PDZD2: variants seen among roughly 807,000 people sequenced by gnomAD.
PDZD2 encodes the protein PDZ domain-containing protein 2.
Under a neutral mutation model 220.7 loss-of-function variants are expected in PDZD2, and 90 were observed. The ratio of observed to expected loss-of-function variants is 0.41; its 90% CI spans 0.34 to 0.49. The LOEUF (loss-of-function observed/expected upper bound fraction) is 0.49, where lower values mean the gene tolerates loss of function less well. PDZD2 is among the 20% of genes least tolerant of loss of function. The pLI, the probability that PDZD2 is intolerant of heterozygous loss-of-function variation, is 0.28. For synonymous variants in PDZD2, 1,375 were observed against 1,450.5 expected, an observed-to-expected ratio of 0.95 and a Z score of 1.18; for missense variants, 3,174 against 3,608.5, an observed-to-expected ratio of 0.88 and a Z score of 3.08.
Position 32,057,862 on chromosome 5 carries a change from C to G in PDZD2, c.1975-16C>G, listed in dbSNP as rs763292286. On this transcript the variant is annotated splice_polypyrimidine_tract_variant and intron_variant, in intron 11 of 24. Coordinates refer to ENST00000438447, the MANE Select transcript of PDZD2 (RefSeq NM_178140.4). ...TTCCAAATGTTTCAGCCCACCTTTC[C>G]TCACTGTTTTCTCAGCAAATCCGGA... 3.8e-6 allele frequency: 6 copies of G among 1,589,184 alleles called. No individual in the cohort carries two copies. The highest frequency in any genetic ancestry group is 3.5e-6 in the Non-Finnish European group (4 of 1,158,016).
At position 32,077,958 on chromosome 5, in the gene PDZD2, A is replaced by AAAAAAAT. The variant is rs994091124; in HGVS notation, c.3682+358_3682+359insTAAAAAA. On this transcript the variant is annotated intron_variant, in intron 19 of 24. Coordinates refer to ENST00000438447, the MANE Select transcript of PDZD2 (RefSeq NM_178140.4). The stretch of plus-strand genomic sequence containing the variant: ...GGCAACAAGAGCAAGACTCTGTCAA[A>AAAAAAAT]AAAAAAAGAAAAAAGAAAGAAAGGA... 62 of 195,658 alleles carry AAAAAAAT rather than the reference A, an allele frequency of 3.2e-4. 2 individuals are homozygous for AAAAAAAT. Among genetic ancestry groups the AAAAAAAT allele is most frequent in the East Asian group, 1.7e-3 (12 of 7,254 alleles). 12.1% of individuals were successfully genotyped at this position (195,658 alleles called of 1,614,324 possible).
intron 16 of PDZD2, among the ~76,000 whole-genome samples, 189 bp from the exon 17 acceptor site, chr5:32,071,972 T>G (rs144202079): frequency 1.3e-5 from 2 of 152,212 alleles, no homozygotes; most frequent in South Asian, 2.1e-4. Flanking sequence ...CTGGCAGCAG[T>G]CACCTTTTTA....
chr5:31,815,522 TGTCTC>T lies in PDZD2; in HGVS notation c.476+15799_476+15803del, dbSNP rs571911188. On this transcript the variant is annotated intron_variant, in intron 2 of 24. Transcript: ENST00000438447. Reference sequence around the variant, plus strand: ...ATACTAGAGTCAGGTCAGCATCTGGTGTCTCACTGCTACAAAGAGTCTGTTTTGTC... The same window carrying T: ...ATACTAGAGTCAGGTCAGCATCTGGTACTGCTACAAAGAGTCTGTTTTGTC... Among the ~76,000 whole-genome samples the T allele has an allele frequency of 1.3e-3, 193 of 152,308 alleles. 1 individual carries two copies. Among genetic ancestry groups the T allele is most frequent in the South Asian group, 6.6e-3 (32 of 4,824 alleles).
At chr5:31,744,131 G>A (rs1750439788) in intron 1 of PDZD2, 1 of 152,194 alleles carries the variant, frequency 6.6e-6, no homozygotes, top group South Asian at 2.1e-4. Context: ...GAGTTTATAG[G>A]TGGAATCTTT....
At chr5:31,798,357 G>T (rs955945989) in intron 1 of PDZD2, among the ~76,000 whole-genome samples, 7 of 152,204 alleles carry the variant, frequency 4.6e-5, no homozygotes, top group Admixed American at 1.3e-4. Context: ...GTTTAGGAAT[G>T]GTGTTGCCCT....
chr5:31,868,161 G>C (rs1390103968), intron 2 of PDZD2, among the ~76,000 whole-genome samples: 1 of 152,038 alleles, frequency 6.6e-6, no homozygotes, highest in Non-Finnish European at 1.5e-5. Flanking sequence ...AAAAGCAGCT[G>C]TTGGCCGGGC....
chr5:32,017,197 A>G (rs150623253), intron 6 of PDZD2, among the ~76,000 whole-genome samples: 41 of 152,338 alleles, frequency 2.7e-4, no homozygotes, highest in Admixed American at 7.8e-4. Flanking sequence ...AGCACTTTGG[A>G]AGGCCTAGGC....
At chr5:32,080,460 G>C (rs1184354577) in intron 19 of PDZD2, among the ~76,000 whole-genome samples, 1 of 151,828 alleles carries the variant, frequency 6.6e-6, no homozygotes, top group Non-Finnish European at 1.5e-5. Context: ...TTCATTTGAG[G>C]CCAGTATCTT....
chr5:32,003,861 A>C (rs1704812651), intron 5 of PDZD2, among the ~76,000 whole-genome samples: 1 of 152,028 alleles, frequency 6.6e-6, no homozygotes, highest in Non-Finnish European at 1.5e-5. Context: ...ACAGGTGCCC[A>C]CCACCACGTC....
chr5:31,894,878 C>G (rs76185020), intron 2 of PDZD2, among the ~76,000 whole-genome samples: 3 of 151,960 alleles, frequency 2.0e-5, no homozygotes, highest in Admixed American at 6.6e-5. Context: ...GTCTTGCTCT[C>G]CTTTCCCTTT....
At chr5:31,850,462 G>A (rs2150297840) in intron 2 of PDZD2, among the ~76,000 whole-genome samples, 1 of 151,654 alleles carries the variant, frequency 6.6e-6, no homozygotes, top group South Asian at 2.1e-4. Flanking sequence ...TATAGTTCTA[G>A]AAGGGAATAG....
At position 31,989,421 on chromosome 5, in the gene PDZD2, C is replaced by CTTTTTTTTTTTTT. The variant is rs869045113; in HGVS notation, c.978+5772_978+5784dup. Among the ~76,000 whole-genome samples, 6 of 119,904 alleles carry CTTTTTTTTTTTTT rather than the reference C, an allele frequency of 5.0e-5. 1 individual carries two copies. The highest frequency in any genetic ancestry group is 3.4e-4 in the Admixed American group (4 of 11,814). The allele number at this position is 119,904 out of a possible 152,430, so 78.7% of individuals were successfully genotyped here. ...TGTGGTATATACCACATTTTCTTTT[C>CTTTTTTTTTTTTT]TTTTTTTTTTTTTTTTTTTGAGACG... is the stretch of plus-strand genomic sequence containing the variant. On this transcript the variant is annotated intron_variant, in intron 3 of 24. Transcript: ENST00000438447.
At chr5:31,899,035 G>A (rs959613906) in intron 2 of PDZD2, among the ~76,000 whole-genome samples, 2 of 151,698 alleles carry the variant, frequency 1.3e-5, no homozygotes, top group East Asian at 1.9e-4. Context: ...CACCATGTTA[G>A]CCAGGATGGT....
At chr5:32,037,570 G>A (rs554129603) in intron 7 of PDZD2, among the ~76,000 whole-genome samples, 1 of 152,272 alleles carries the variant, frequency 6.6e-6, no homozygotes, top group East Asian at 1.9e-4. Context: ...ATTCCTGTGT[G>A]TCTCTGTGTC....
At chr5:31,950,479 G>A (rs1449002408) in intron 2 of PDZD2, among the ~76,000 whole-genome samples, 1 of 152,140 alleles carries the variant, frequency 6.6e-6, no homozygotes, top group African/African-American at 2.4e-5. Flanking sequence ...GGTGAGGATT[G>A]GTTTGCATTT....
chr5:31,939,427 G>C (rs918140792), intron 2 of PDZD2, among the ~76,000 whole-genome samples: 2 of 152,208 alleles, frequency 1.3e-5, no homozygotes, highest in South Asian at 4.1e-4. Context: ...AATGTATTAG[G>C]CTTGCCCAAG....
chr5:31,687,392 G>C (rs1746916032), intron 1 of PDZD2, among the ~76,000 whole-genome samples: 1 of 152,156 alleles, frequency 6.6e-6, no homozygotes, highest in South Asian at 2.1e-4. Flanking sequence ...CTTTCCTCCA[G>C]TTTCCAGTAA....
At chr5:31,834,495 G>A (rs1333332911) in intron 2 of PDZD2, among the ~76,000 whole-genome samples, 1 of 152,162 alleles carries the variant, frequency 6.6e-6, no homozygotes, top group Non-Finnish European at 1.5e-5. Flanking sequence ...AACAGAAATA[G>A]AAGATAGAGA....
At chr5:31,699,281 G>A (rs927063924) in intron 1 of PDZD2, among the ~76,000 whole-genome samples, 1 of 152,166 alleles carries the variant, frequency 6.6e-6, no homozygotes, top group South Asian at 2.1e-4. Flanking sequence ...TGGGCGAGGG[G>A]TGGGCTAAGG....
Sources: gnomAD v4.1 joint callset for allele counts (sites outside exome capture counted in the v4.1 genomes callset) on GRCh38, gnomAD v4.1.1 for gene constraint, MANE v1.5 for transcripts, NCBI Gene and HGNC (gene_info 2026-07-23, HGNC 2026-07-21) for gene names.